DOCK3: variants seen among roughly 807,000 people sequenced by gnomAD.
DOCK3 encodes the protein dedicator of cytokinesis 3, also known as dedicator of cytokinesis protein 3.
A neutral mutation model predicts 265.6 loss-of-function variants in DOCK3; 60 were observed. The observed-to-expected ratio is 0.23, with a 90% CI of 0.18 to 0.28. The LOEUF (loss-of-function observed/expected upper bound fraction) is 0.28. Among genes scored for constraint, DOCK3 ranks in the 10% least tolerant of loss-of-function variants. The pLI is 1.00. For synonymous variants in DOCK3, 881 were observed against 938.0 expected (o/e 0.94, Z 1.11); for missense variants, 1,981 against 2,594.3 (o/e 0.76, Z 5.14).
At chr3:51,110,861 C>T (rs947762476) in intron 9 of DOCK3, among the ~76,000 whole-genome samples, 6 of 152,070 alleles carry the variant, frequency 3.9e-5, no homozygotes, top group Admixed American at 6.6e-5. Flanking sequence ...AATTAAAAGG[C>T]CTCTACGTAG....
intron 49 of DOCK3, among the ~76,000 whole-genome samples, chr3:51,366,099 T>C (rs1321775151): frequency 6.6e-6 from 1 of 152,236 alleles, no homozygotes; most frequent in African/African-American, 2.4e-5. Context: ...CGAATTCGGC[T>C]GTGAATCCAT....
intron 9 of DOCK3, among the ~76,000 whole-genome samples, chr3:51,105,154 G>GA (rs1003944310): frequency 1.3e-5 from 2 of 152,194 alleles, no homozygotes; most frequent in Admixed American, 6.5e-5. Flanking sequence ...TATGAATGGT[G>GA]AAATCAGAGA....
At chr3:50,973,049 C>CTTGTTTTTTT (rs2077292329) in intron 5 of DOCK3, among the ~76,000 whole-genome samples, 1 of 19,012 alleles carries the variant, frequency 5.3e-5, no homozygotes, top group Non-Finnish European at 8.6e-5. Flanking sequence ...CAGTGTGTTT[C>CTTGTTTTTTT]TTTTTTTTTT....
intron 8 of DOCK3, among the ~76,000 whole-genome samples, chr3:51,089,951 A>G (rs2082575865): frequency 6.6e-6 from 1 of 151,200 alleles, no homozygotes; most frequent in African/African-American, 2.4e-5. Context: ...CTGGAGAACT[A>G]AGATATTTGT....
chr3:50,853,462 C>A (rs2046433498), intron 3 of DOCK3, among the ~76,000 whole-genome samples: 1 of 152,056 alleles, frequency 6.6e-6, no homozygotes, highest in African/African-American at 2.4e-5. Flanking sequence ...TGCCTCTCTC[C>A]CTCCTTCCTG....
chr3:50,806,239 G>A (rs1034809754), intron 2 of DOCK3, among the ~76,000 whole-genome samples: 5 of 152,064 alleles, frequency 3.3e-5, no homozygotes, highest in African/African-American at 1.2e-4. Context: ...TGGGATGCAG[G>A]TGTAAGGCTG....
intron 27 of DOCK3, among the ~76,000 whole-genome samples, chr3:51,282,565 A>T (rs1194414420): frequency 1.3e-5 from 2 of 151,006 alleles, no homozygotes; most frequent in African/African-American, 4.9e-5. Flanking sequence ...AGGCAGGAGA[A>T]CCGCCTGAAC....
intron 31 of DOCK3, among the ~76,000 whole-genome samples, chr3:51,314,573 A>T (rs903126968): frequency 6.6e-6 from 1 of 152,214 alleles, no homozygotes; most frequent in African/African-American, 2.4e-5. Context: ...AGAAACTCCA[A>T]GGAGAGTGCA....
In DOCK3 at chr3:51,140,595, A is replaced by T. The variant is rs138749851; in HGVS notation, c.747-5954A>T. Among the ~76,000 whole-genome samples the T allele has an allele frequency of 6.6e-3, 1,005 of 152,108 alleles. 6 individuals carry two copies. The highest frequency in any genetic ancestry group is 0.023 in the African/African-American group (940 of 41,498). On this transcript the variant is annotated intron_variant, in intron 9 of 52. Transcript: ENST00000266037. ...AATTTTTGTGTGACCATATGTTTTTATTTCTCTTGGATATATACCTAGGAG... is the reference window on the plus strand; with the variant it reads ...AATTTTTGTGTGACCATATGTTTTTTTTTCTCTTGGATATATACCTAGGAG...
chr3:51,097,636 C>T (rs2082910113), intron 9 of DOCK3, among the ~76,000 whole-genome samples: 1 of 152,226 alleles, frequency 6.6e-6, no homozygotes, highest in Admixed American at 6.5e-5. Context: ...ACCTCACTGG[C>T]GCTCCAGGCG....
chr3:51,175,520 G>A (rs1177981299), intron 12 of DOCK3, among the ~76,000 whole-genome samples: 1 of 151,988 alleles, frequency 6.6e-6, no homozygotes, highest in Admixed American at 6.6e-5. Flanking sequence ...AAAAGCTGGA[G>A]CCAGGTTACA....
intron 5 of DOCK3, among the ~76,000 whole-genome samples, chr3:50,943,838 G>A (rs1276794602): frequency 6.6e-6 from 1 of 151,972 alleles, no homozygotes; most frequent in Non-Finnish European, 1.5e-5. Flanking sequence ...TTTAGATCTG[G>A]GCTGGAATCT....
At chr3:50,816,920 G>A (rs2044113025) in intron 2 of DOCK3, among the ~76,000 whole-genome samples, 1 of 152,128 alleles carries the variant, frequency 6.6e-6, no homozygotes, top group Admixed American at 6.5e-5. Context: ...GACCCCAAGA[G>A]AGGATTCTTG....
chr3:50,807,895 G>A (rs1453518194), intron 2 of DOCK3, among the ~76,000 whole-genome samples: 1 of 152,122 alleles, frequency 6.6e-6, no homozygotes. Flanking sequence ...GACTACAGGT[G>A]TGCACCACCA....
intron 5 of DOCK3, among the ~76,000 whole-genome samples, chr3:51,034,263 T>C (rs1053486274): frequency 2.6e-5 from 4 of 152,128 alleles, no homozygotes; most frequent in African/African-American, 9.6e-5. Context: ...ATCATTGATA[T>C]TCTTTGTATT....
chr3:50,968,190 A>T (rs2077088440), intron 5 of DOCK3, among the ~76,000 whole-genome samples: 1 of 152,074 alleles, frequency 6.6e-6, no homozygotes, highest in Non-Finnish European at 1.5e-5. Flanking sequence ...TTTTCTTTTG[A>T]GACAAGGTCT....
intron 3 of DOCK3, among the ~76,000 whole-genome samples, chr3:50,848,030 C>T (rs2107341894): frequency 6.7e-6 from 1 of 150,358 alleles, no homozygotes; most frequent in East Asian, 2.0e-4. Flanking sequence ...TTGAATTCAA[C>T]TCTTCATCAT....
chr3:50,767,497 T>C (rs987652162), intron 1 of DOCK3, among the ~76,000 whole-genome samples: 1 of 152,200 alleles, frequency 6.6e-6, no homozygotes, highest in Non-Finnish European at 1.5e-5. Context: ...TTGGTACCAG[T>C]AGCATGCTGT....
rs185038276 is a variant in DOCK3 at position 51,017,242 on chromosome 3, T to C, written c.316-47206T>C. Among the ~76,000 whole-genome samples, 828 of 151,394 alleles carry C rather than the reference T, an allele frequency of 5.5e-3. 6 individuals are homozygous for C. Among genetic ancestry groups the C allele is most frequent in the Non-Finnish European group, 7.9e-3 (537 of 67,886 alleles). ...GTTGTGATGTCTCCTTTTTCATCTC[T>C]GATTTTATTTGAGTCTTCTATTTTT... On this transcript the variant is annotated intron_variant, in intron 5 of 52. Coordinates refer to ENST00000266037, the MANE Select transcript of DOCK3 (RefSeq NM_004947.5).
Sources: allele counts gnomAD v4.1 joint callset (sites outside exome capture counted in the v4.1 genomes callset), GRCh38; gene constraint gnomAD v4.1.1; transcripts MANE v1.5; gene names NCBI Gene and HGNC (gene_info 2026-07-23, HGNC 2026-07-21).